The following KCNIP4 variants were observed in gnomAD, a reference collection of about 807,000 sequenced individuals.
KCNIP4 encodes Kv channel-interacting protein 4.
Under a neutral mutation model 34.0 loss-of-function variants are expected in KCNIP4, and 12 were observed. The observed-to-expected ratio is 0.35, with a 90% CI of 0.23 to 0.57. KCNIP4 has a LOEUF of 0.57. KCNIP4 is among the 20% of genes least tolerant of loss of function. The probability of loss-of-function intolerance (pLI) is 0.83; values close to 1 mark genes in which losing one functional copy is unlikely to be tolerated. For missense variants in KCNIP4, 238 were observed against 311.7 expected, an observed-to-expected ratio of 0.76 and a Z score of 1.78; for synonymous variants, 124 against 102.2, an observed-to-expected ratio of 1.21 and a Z score of -1.29.
chr4:21,098,613 G>A (rs1747666313), intron 1 of KCNIP4, among the ~76,000 whole-genome samples: 1 of 152,098 alleles, frequency 6.6e-6, no homozygotes, highest in Non-Finnish European at 1.5e-5. Flanking sequence ...TAAGCCTGCT[G>A]TTGGGAACTA....
At chr4:20,911,443 T>A (rs1431485440) in intron 1 of KCNIP4, among the ~76,000 whole-genome samples, 3 of 152,222 alleles carry the variant, frequency 2.0e-5, no homozygotes, top group South Asian at 2.1e-4. Flanking sequence ...TTGGCTTTAC[T>A]GTACCATGTC....
chr4:21,475,768 T>A (rs1309763246), intron 1 of KCNIP4, among the ~76,000 whole-genome samples: 2 of 152,206 alleles, frequency 1.3e-5, no homozygotes, highest in African/African-American at 4.8e-5. Flanking sequence ...TCATATCCAT[T>A]TCTAGAGTGA....
chr4:20,870,420 TTACAGCC>T (rs1723323542), intron 2 of KCNIP4, among the ~76,000 whole-genome samples: 1 of 152,118 alleles, frequency 6.6e-6, no homozygotes, highest in African/African-American at 2.4e-5. Flanking sequence ...CATGCTTCCT[TTACAGCC>T]TGTGCAACTG....
chr4:21,031,320 A>G (rs1312272814), intron 1 of KCNIP4, among the ~76,000 whole-genome samples: 3 of 152,206 alleles, frequency 2.0e-5, no homozygotes, highest in African/African-American at 7.2e-5. Flanking sequence ...TCTTTCATTT[A>G]TGAAATAGTA....
intron 1 of KCNIP4, among the ~76,000 whole-genome samples, chr4:21,581,721 C>A (rs1462072277): frequency 2.6e-5 from 4 of 151,888 alleles, no homozygotes; most frequent in African/African-American, 9.7e-5. Context: ...ATTATCACAG[C>A]TTGGTTCAGT....
intron 1 of KCNIP4, among the ~76,000 whole-genome samples, chr4:21,604,548 A>G (rs1445277604): frequency 6.6e-6 from 1 of 152,068 alleles, no homozygotes; most frequent in South Asian, 2.1e-4. Context: ...GCAAGCATAA[A>G]TGGGACCTTG....
In KCNIP4 at chr4:21,197,957, T is replaced by C. The variant is rs553949282; in HGVS notation, c.62-315248A>G. 5.6e-4 allele frequency among the ~76,000 whole-genome samples: 86 copies of C among 152,284 alleles called. 1 individual carries two copies. The highest frequency in any genetic ancestry group is 2.1e-3 in the African/African-American group (86 of 41,572). On this transcript the variant is annotated intron_variant, in intron 1 of 8. Coordinates refer to ENST00000382152, the MANE Select transcript of KCNIP4 (RefSeq NM_025221.6). ...CCAAAATCTTAGAATGAGAAATCAC[T>C]TATTTAACAACTTCATTTGAGGGGC...
intron 1 of KCNIP4, among the ~76,000 whole-genome samples, chr4:21,104,636 T>C (rs1212110853): frequency 2.0e-5 from 3 of 152,118 alleles, no homozygotes; most frequent in African/African-American, 7.3e-5. Context: ...TTGTTGCCAT[T>C]ACTTTTGGTG....
chr4:21,064,989 C>T (rs185913811), intron 1 of KCNIP4, among the ~76,000 whole-genome samples: 1 of 152,182 alleles, frequency 6.6e-6, no homozygotes, highest in Admixed American at 6.5e-5. Context: ...AATACATTGA[C>T]CACCTGTTCA....
At chr4:21,759,690 G>A (rs1179486788) in intron 1 of KCNIP4, among the ~76,000 whole-genome samples, 1 of 152,084 alleles carries the variant, frequency 6.6e-6, no homozygotes, top group African/African-American at 2.4e-5. Flanking sequence ...CCTGACTTCA[G>A]GGCAGTCTGA....
chr4:21,656,246 A>G (rs936944793), intron 1 of KCNIP4, among the ~76,000 whole-genome samples: 8 of 152,122 alleles, frequency 5.3e-5, no homozygotes, highest in Non-Finnish European at 1.2e-4. Flanking sequence ...TCCACATGGC[A>G]TCCCTCCTGT....
At chr4:21,499,875 G>A (rs1560463528) in intron 1 of KCNIP4, among the ~76,000 whole-genome samples, 1 of 152,042 alleles carries the variant, frequency 6.6e-6, no homozygotes, top group Non-Finnish European at 1.5e-5. Context: ...ATATCCAACT[G>A]TTTATGCACA....
intron 1 of KCNIP4, among the ~76,000 whole-genome samples, chr4:21,228,946 A>G (rs990800704): frequency 6.6e-6 from 1 of 151,648 alleles, no homozygotes; most frequent in Non-Finnish European, 1.5e-5. Flanking sequence ...ACTCTGTTAC[A>G]CTCCTGGAAT....
intron 1 of KCNIP4, among the ~76,000 whole-genome samples, chr4:21,721,588 C>T (rs1385004296): frequency 1.3e-5 from 2 of 152,120 alleles, no homozygotes; most frequent in African/African-American, 2.4e-5. Context: ...TAAGTAATTT[C>T]TGGGGGCAAG....
intron 1 of KCNIP4, among the ~76,000 whole-genome samples, chr4:21,892,068 A>T (rs1393431467): frequency 6.6e-6 from 1 of 152,138 alleles, no homozygotes; most frequent in Non-Finnish European, 1.5e-5. Context: ...AAATACGTAC[A>T]TGCTTACCAA....
At chr4:20,938,206 T>TTC (rs1356572491) in intron 1 of KCNIP4, among the ~76,000 whole-genome samples, 2 of 151,888 alleles carry the variant, frequency 1.3e-5, no homozygotes, top group African/African-American at 4.8e-5. Flanking sequence ...CTAGTTTTTT[T>TTC]TTTTTTTTCA....
intron 1 of KCNIP4, among the ~76,000 whole-genome samples, chr4:21,338,000 C>T (rs778313386): frequency 4.5e-4 from 69 of 152,204 alleles, no homozygotes; most frequent in Non-Finnish European, 6.3e-4. Flanking sequence ...GTGACCCATG[C>T]TCCTTCCACT....
chr4:21,434,462 T>C (rs1295991576), intron 1 of KCNIP4, among the ~76,000 whole-genome samples: 2 of 152,126 alleles, frequency 1.3e-5, no homozygotes, highest in Non-Finnish European at 2.9e-5. Flanking sequence ...TAGCATCATG[T>C]AACATTTGAG....
chr4:21,025,752 C>T (rs1740508682), intron 1 of KCNIP4, among the ~76,000 whole-genome samples: 1 of 151,862 alleles, frequency 6.6e-6, no homozygotes, highest in African/African-American at 2.4e-5. Context: ...GATGGGGTTT[C>T]ACCGTGTTAG....
Sources: allele counts gnomAD v4.1 joint callset (sites outside exome capture counted in the v4.1 genomes callset), GRCh38; gene constraint gnomAD v4.1.1; transcripts MANE v1.5; gene names NCBI Gene and HGNC (gene_info 2026-07-23, HGNC 2026-07-21).